RUNX1: variants seen among roughly 807,000 people sequenced by gnomAD.
RUNX1 encodes the protein runt-related transcription factor 1.
In RUNX1, 19 loss-of-function variants were observed where a neutral mutation model predicts 42.8. That is an observed-to-expected ratio of 0.44 (90% CI 0.31 to 0.65). The LOEUF is 0.65. Among genes scored for constraint, RUNX1 ranks in the 30% least tolerant of loss-of-function variants. The pLI is 0.07. For missense variants in RUNX1, 528 were observed against 672.0 expected (o/e 0.79, Z 2.37); for synonymous variants, 271 against 289.4 (o/e 0.94, Z 0.64).
intron 2 of RUNX1, among the ~76,000 whole-genome samples, chr21:35,012,583 T>G (rs1230470030): frequency 8.5e-5 from 13 of 152,212 alleles, no homozygotes; most frequent in Admixed American, 8.5e-4. Flanking sequence ...AATACTTGGA[T>G]TAATAAAAAT....
intron 2 of RUNX1, among the ~76,000 whole-genome samples, chr21:34,987,045 G>C (rs563074797): frequency 3.9e-5 from 6 of 152,342 alleles, no homozygotes; most frequent in African/African-American, 1.4e-4. Context: ...GCCCAGGTAA[G>C]TGTGTTTCTT....
intron 2 of RUNX1, among the ~76,000 whole-genome samples, chr21:34,972,916 T>C (rs1390477322): frequency 1.3e-5 from 2 of 152,348 alleles, no homozygotes; most frequent in South Asian, 2.1e-4. Flanking sequence ...CATTAATCTA[T>C]TATTTTTACA....
At chr21:34,959,971 G>A (rs2146700975) in intron 2 of RUNX1, among the ~76,000 whole-genome samples, 1 of 152,268 alleles carries the variant, frequency 6.6e-6, no homozygotes, top group East Asian at 1.9e-4. Context: ...GGGCTGGCAG[G>A]TGAGGTTATG....
intron 1 of RUNX1, 55 bp downstream of exon 1, chr21:35,049,113 A>G (rs1226016190): frequency 1.9e-6 from 1 of 520,300 alleles, no homozygotes; most frequent in Non-Finnish European, 3.5e-6. Context: ...ATTGTTAAAG[A>G]TTAAAAAAAA....
At chr21:34,863,930 CT>C (rs1386422185) in intron 5 of RUNX1, among the ~76,000 whole-genome samples, 1 of 152,174 alleles carries the variant, frequency 6.6e-6, no homozygotes, top group African/African-American at 2.4e-5. Context: ...TTGTTTACAG[CT>C]TTGGGTACAA....
chr21:35,027,419 C>T (rs566387640), intron 2 of RUNX1, among the ~76,000 whole-genome samples: 19 of 152,228 alleles, frequency 1.2e-4, no homozygotes, highest in Non-Finnish European at 2.6e-4. Context: ...TGCTGCCAGT[C>T]CAAAGACCAC....
intron 2 of RUNX1, among the ~76,000 whole-genome samples, chr21:34,956,688 T>A (rs1458267415): frequency 6.6e-6 from 1 of 152,204 alleles, no homozygotes; most frequent in East Asian, 1.9e-4. Context: ...TCATGGGCTG[T>A]GGCTCTAAGG....
chr21:34,899,318 G>C (rs2058158212), intron 2 of RUNX1, among the ~76,000 whole-genome samples: 1 of 152,152 alleles, frequency 6.6e-6, no homozygotes, highest in Admixed American at 6.5e-5. Context: ...AGGATATGTG[G>C]GAGGTGATTA....
intron 2 of RUNX1, among the ~76,000 whole-genome samples, chr21:34,899,282 C>G (rs1013070481): frequency 6.6e-6 from 1 of 152,140 alleles, no homozygotes; most frequent in Non-Finnish European, 1.5e-5. Flanking sequence ...CATTGAAGCC[C>G]TAATCCTCTA....
At chr21:34,799,208 C>T in intron 8 of RUNX1, 93 bp downstream of exon 8, 1 of 1,361,056 alleles carries the variant, frequency 7.3e-7, no homozygotes, top group Non-Finnish European at 1.1e-6. Flanking sequence ...ATGTTTTACT[C>T]AATAATGTTC....
intron 2 of RUNX1, among the ~76,000 whole-genome samples, chr21:34,999,584 T>C (rs74678112): frequency 0.034 from 5,188 of 152,276 alleles, 300 homozygotes; most frequent in African/African-American, 0.12. Context: ...ACGTGTGTTC[T>C]GAACTCCCTG....
chr21:35,000,435 T>G (rs1008739473), intron 2 of RUNX1, among the ~76,000 whole-genome samples: 32 of 151,986 alleles, frequency 2.1e-4, no homozygotes, highest in Admixed American at 1.4e-3. Flanking sequence ...AAACACGGGG[T>G]TTCACCGTGT....
chr21:34,991,441 T>G (rs2058937877), intron 2 of RUNX1, among the ~76,000 whole-genome samples: 1 of 152,218 alleles, frequency 6.6e-6, no homozygotes, highest in Non-Finnish European at 1.5e-5. Flanking sequence ...TGGCTGTCCA[T>G]GCAGTTTACC....
chr21:35,027,733 C>T (rs7282591), intron 2 of RUNX1, among the ~76,000 whole-genome samples: 43,986 of 152,036 alleles, frequency 0.29, 6,988 homozygotes, highest in Non-Finnish European at 0.37. Context: ...TAAACACACA[C>T]ACACAAACCC....
At chr21:34,952,610 A>T (rs535979476) in intron 2 of RUNX1, among the ~76,000 whole-genome samples, 35 of 152,224 alleles carry the variant, frequency 2.3e-4, no homozygotes, top group Non-Finnish European at 4.3e-4. Context: ...TCTCTTATTT[A>T]ATTATTTCAT....
At position 35,026,355 on chromosome 21, in the gene RUNX1, C is replaced by A. The variant is rs574834950; in HGVS notation, c.58+22487G>T. On this transcript the variant is annotated intron_variant, in intron 2 of 8. Transcript: ENST00000675419. ...GCAAATGGGGAAAGAGGCTTTAATA[C>A]CCCTCAAAAGGGGAAGATTGATAAT... 2.0e-5 allele frequency among the ~76,000 whole-genome samples: 3 copies of A among 152,222 alleles called. No individual in the cohort carries two copies. In the East Asian group the frequency reaches 5.8e-4, roughly 29 times the overall value.
chr21:34,791,180 A>C lies in RUNX1; in HGVS notation c.*955T>G, dbSNP rs1412052921. Reference sequence around the variant, plus strand: ...ACATGAAAGGGAGTTTAATGTAAACAATACTTCTGGATAACCAAGCGATCA... The same window carrying C: ...ACATGAAAGGGAGTTTAATGTAAACCATACTTCTGGATAACCAAGCGATCA... On this transcript the variant is annotated 3_prime_UTR_variant, in exon 9 of 9. Coordinates refer to ENST00000675419, the MANE Select transcript of RUNX1 (RefSeq NM_001754.5). 4.3e-6 allele frequency: 1 copy of C among 233,638 alleles called. No individual in the cohort carries two copies. Among genetic ancestry groups the C allele is most frequent in the Non-Finnish European group, 8.5e-6 (1 of 117,980 alleles). 14.5% of individuals were successfully genotyped at this position (233,638 alleles called of 1,614,324 possible).
At chr21:35,043,765 T>C (rs994579968) in intron 2 of RUNX1, among the ~76,000 whole-genome samples, 7 of 152,190 alleles carry the variant, frequency 4.6e-5, no homozygotes, top group Non-Finnish European at 1.5e-5. Context: ...GTTTCCTGTG[T>C]GGGCCTCCTC....
intron 5 of RUNX1, among the ~76,000 whole-genome samples, chr21:34,869,956 A>T (rs1432664752): frequency 6.6e-6 from 1 of 152,236 alleles, no homozygotes; most frequent in East Asian, 1.9e-4. Context: ...ATGTTTGGAC[A>T]AAAGAGTTGG....
Sources: gnomAD v4.1 joint callset for allele counts (sites outside exome capture counted in the v4.1 genomes callset) on GRCh38, gnomAD v4.1.1 for gene constraint, MANE v1.5 for transcripts, NCBI Gene and HGNC (gene_info 2026-07-23, HGNC 2026-07-21) for gene names.